Variants in ELMO1 observed in about 807,000 individuals in gnomAD.
ELMO1 encodes engulfment and cell motility 1, also known as engulfment and cell motility protein 1.
Under a neutral mutation model 98.9 loss-of-function variants are expected in ELMO1, and 26 were observed. The ratio of observed to expected loss-of-function variants is 0.26; its 90% CI spans 0.19 to 0.36. ELMO1 has a LOEUF of 0.36. Ranked by LOEUF, ELMO1 falls within the 10% of genes least tolerant of loss-of-function variation. The pLI is 1.00. For synonymous variants in ELMO1, 346 were observed against 346.0 expected (o/e 1.00, Z 0.00); for missense variants, 627 against 935.2 (o/e 0.67, Z 4.30).
intron 1 of ELMO1, among the ~76,000 whole-genome samples, chr7:37,420,135 T>C (rs1375656585): frequency 2.6e-5 from 4 of 152,158 alleles, no homozygotes; most frequent in African/African-American, 9.7e-5. Context: ...GGACGAGTCT[T>C]GTGCTCTCAG....
chr7:37,133,414 C>T (rs1330578099), intron 13 of ELMO1, among the ~76,000 whole-genome samples, 180 bp from the exon 14 acceptor site: 1 of 152,202 alleles, frequency 6.6e-6, no homozygotes, highest in African/African-American at 2.4e-5. Flanking sequence ...CTTCTTTCTA[C>T]TGCTCCTCAG....
chr7:36,898,645 C>T (rs536454603), intron 16 of ELMO1, among the ~76,000 whole-genome samples: 7 of 152,282 alleles, frequency 4.6e-5, no homozygotes, highest in South Asian at 2.1e-4. Flanking sequence ...CATGTAAATG[C>T]GCTCCTGTGT....
At chr7:37,390,249 AC>A (rs1803010590) in intron 1 of ELMO1, among the ~76,000 whole-genome samples, 1 of 152,218 alleles carries the variant, frequency 6.6e-6, no homozygotes, top group Admixed American at 6.5e-5. Flanking sequence ...CTGAGCAGGA[AC>A]CCAAGAAGCA....
chr7:37,259,484 C>G, intron 5 of ELMO1, 134 bp from the exon 6 acceptor site: 1 of 978,178 alleles, frequency 1.0e-6, no homozygotes, highest in Non-Finnish European at 1.5e-6. Context: ...GAGTGGGCAT[C>G]TCAACGACAG....
intron 2 of ELMO1, among the ~76,000 whole-genome samples, chr7:37,337,429 T>C (rs1800475663): frequency 1.3e-5 from 2 of 151,072 alleles, no homozygotes; most frequent in South Asian, 4.2e-4. Flanking sequence ...TAATGTTAAA[T>C]GACGAGTTAA....
intron 1 of ELMO1, among the ~76,000 whole-genome samples, chr7:37,358,863 G>A (rs1005237710): frequency 1.3e-5 from 2 of 152,202 alleles, no homozygotes; most frequent in African/African-American, 2.4e-5. Flanking sequence ...CAAGGATGAC[G>A]GGGTAGGTTG....
At chr7:37,340,811 C>T (rs1800672845) in intron 2 of ELMO1, among the ~76,000 whole-genome samples, 1 of 152,176 alleles carries the variant, frequency 6.6e-6, no homozygotes, top group African/African-American at 2.4e-5. Flanking sequence ...ACTAACCTCA[C>T]AGGTAAGGAG....
intron 16 of ELMO1, among the ~76,000 whole-genome samples, chr7:36,953,564 A>G (rs1788175785): frequency 6.6e-6 from 1 of 152,226 alleles, no homozygotes; most frequent in South Asian, 2.1e-4. Flanking sequence ...TGGTTGTAAT[A>G]TAATATTGTA....
At position 37,222,789 on chromosome 7, in the gene ELMO1, C is replaced by A. The variant is rs1043691621; in HGVS notation, c.702-96G>T. The A allele has an allele frequency of 1.1e-5, 12 of 1,085,424 alleles. No homozygotes were observed. In the African/African-American group the frequency reaches 1.9e-4, roughly 17 times the overall value. 67.2% of individuals were successfully genotyped at this position (1,085,424 alleles called of 1,614,324 possible). ...TGAAAAGGCTCAAAATCAGCCCCCT[C>A]CCCCCAAAAAAAGTGAGAGAGAAAG... On this transcript the variant is annotated intron_variant, in intron 9 of 21. Transcript: ENST00000310758.
At chr7:37,369,960 T>A (rs1398639955) in intron 1 of ELMO1, among the ~76,000 whole-genome samples, 1 of 152,104 alleles carries the variant, frequency 6.6e-6, no homozygotes, top group Admixed American at 6.5e-5. Flanking sequence ...TCTCTTTAAG[T>A]TCCCTTATCT....
At chr7:37,348,790 A>C (rs1801128127) in intron 1 of ELMO1, among the ~76,000 whole-genome samples, 2 of 152,120 alleles carry the variant, frequency 1.3e-5, no homozygotes, top group African/African-American at 4.8e-5. Context: ...GATCTGTTAC[A>C]TCTCTACAGG....
chr7:37,385,233 C>A (rs1253780196), intron 1 of ELMO1, among the ~76,000 whole-genome samples: 1 of 152,228 alleles, frequency 6.6e-6, no homozygotes. Flanking sequence ...TACTCAAAAC[C>A]TTCGAAGGCA....
intron 15 of ELMO1, chr7:37,033,249 G>A: frequency 2.6e-6 from 1 of 389,554 alleles, no homozygotes; most frequent in South Asian, 1.8e-5. Context: ...GCGCAGACGG[G>A]CTAAGTCCAA....
chr7:37,135,631 T>C (rs1787219687), intron 13 of ELMO1, among the ~76,000 whole-genome samples: 1 of 151,864 alleles, frequency 6.6e-6, no homozygotes, highest in Non-Finnish European at 1.5e-5. Flanking sequence ...GCAAAAACAA[T>C]CACTACAGCT....
In ELMO1 at chr7:36,897,336, G is replaced by GTGTGTGTGTGTGTGTGTGTGTGTGTGTA. The variant is rs1554351183; in HGVS notation, c.1438-2320_1438-2319insTACACACACACACACACACACACACACA. Among the ~76,000 whole-genome samples, 701 of 148,322 alleles carry GTGTGTGTGTGTGTGTGTGTGTGTGTGTA rather than the reference G, an allele frequency of 4.7e-3. 4 individuals carry two copies. Among genetic ancestry groups the GTGTGTGTGTGTGTGTGTGTGTGTGTGTA allele is most frequent in the South Asian group, 0.02 (94 of 4,586 alleles). ...ACAAAGAAAACAGACGTGTGTGTGT[G>GTGTGTGTGTGTGTGTGTGTGTGTGTGTA]TGTGTGTGTGTGTGAAAGAGTGTTA... On this transcript the variant is annotated intron_variant, in intron 16 of 21. Coordinates refer to ENST00000310758, the MANE Select transcript of ELMO1 (RefSeq NM_014800.11).
intron 13 of ELMO1, among the ~76,000 whole-genome samples, chr7:37,155,134 G>C (rs1788643900): frequency 6.6e-6 from 1 of 152,192 alleles, no homozygotes; most frequent in African/African-American, 2.4e-5. Flanking sequence ...CACCAGGCCT[G>C]CCTTACAAGA....
intron 16 of ELMO1, among the ~76,000 whole-genome samples, chr7:36,922,858 G>C (rs563119362): frequency 6.6e-6 from 1 of 152,170 alleles, no homozygotes; most frequent in Admixed American, 6.5e-5. Context: ...CTAATGGCAT[G>C]CTTCCTATGG....
chr7:36,887,235 C>T (rs1361915687), intron 18 of ELMO1, among the ~76,000 whole-genome samples: 2 of 152,112 alleles, frequency 1.3e-5, no homozygotes. Context: ...AACATAGATC[C>T]GGAAGTCAGA....
At chr7:36,916,025 C>T (rs747698760) in intron 16 of ELMO1, among the ~76,000 whole-genome samples, 2 of 152,228 alleles carry the variant, frequency 1.3e-5, no homozygotes, top group South Asian at 2.1e-4. Flanking sequence ...AAGCTTTTCC[C>T]GTTAGTTTTA....
Sources: gnomAD v4.1 joint callset for allele counts (sites outside exome capture counted in the v4.1 genomes callset) on GRCh38, gnomAD v4.1.1 for gene constraint, MANE v1.5 for transcripts, NCBI Gene and HGNC (gene_info 2026-07-23, HGNC 2026-07-21) for gene names.